The following SGCZ variants were observed in gnomAD, a reference collection of about 807,000 sequenced individuals.
SGCZ encodes sarcoglycan zeta, also known as zeta-sarcoglycan.
SGCZ carries 40 observed loss-of-function variants against 41.3 expected under a neutral mutation model. The observed-to-expected ratio is 0.97, with a 90% CI of 0.75 to 1.26. SGCZ has a LOEUF of 1.26. Ranked by LOEUF, SGCZ falls within the 50% of genes most tolerant of loss-of-function variation. The pLI is 0.00. For missense variants in SGCZ, 552 were observed against 369.8 expected (o/e 1.49, Z -4.04); for synonymous variants, 206 against 137.5 (o/e 1.50, Z -3.49).
intron 1 of SGCZ, among the ~76,000 whole-genome samples, chr8:14,658,202 C>T (rs571463801): frequency 6.6e-6 from 1 of 152,274 alleles, no homozygotes; most frequent in South Asian, 2.1e-4. Context: ...GTCATCCTTG[C>T]TCCTCTTTGT....
At chr8:14,871,857 T>A (rs1394703745) in intron 1 of SGCZ, among the ~76,000 whole-genome samples, 1 of 150,684 alleles carries the variant, frequency 6.6e-6, no homozygotes, top group Admixed American at 6.7e-5. Flanking sequence ...TATATATGCA[T>A]GTATGTATAT....
intron 1 of SGCZ, among the ~76,000 whole-genome samples, chr8:15,054,581 G>C (rs13258778): frequency 0.77 from 116,427 of 152,128 alleles, 44,719 homozygotes; most frequent in East Asian, 0.86. Context: ...ACATGCTGGC[G>C]TTGTATTAAT....
chr8:14,950,483 C>G (rs1240600066), intron 1 of SGCZ, among the ~76,000 whole-genome samples: 1 of 152,054 alleles, frequency 6.6e-6, no homozygotes, highest in East Asian at 1.9e-4. Context: ...GTCAAGAAGA[C>G]CAAGCACTGA....
intron 1 of SGCZ, among the ~76,000 whole-genome samples, chr8:15,046,027 G>A (rs1804288363): frequency 6.6e-6 from 1 of 152,044 alleles, no homozygotes; most frequent in Admixed American, 6.6e-5. Flanking sequence ...ATACCATATA[G>A]ATTTCATTCT....
chr8:14,800,922 A>C (rs1801301293), intron 1 of SGCZ, among the ~76,000 whole-genome samples: 1 of 152,160 alleles, frequency 6.6e-6, no homozygotes, highest in Non-Finnish European at 1.5e-5. Flanking sequence ...AAAGATGACA[A>C]CCATAATGGT....
At position 14,085,150 on chromosome 8, in the gene SGCZ, A is replaced by G. The variant is rs75628359; in HGVS notation, c.*5293T>C. On this transcript the variant is annotated 3_prime_UTR_variant, in exon 8 of 8. Coordinates refer to ENST00000382080, the MANE Select transcript of SGCZ (RefSeq NM_139167.4). ...ACAGTCCATTTAAATAGAAAAAGTG[A>G]TTTTACATAAAGCAAGATAGAGTAC... 0.028 allele frequency among the ~76,000 whole-genome samples: 4,246 copies of G among 151,896 alleles called. 199 individuals carry two copies. The highest frequency in any genetic ancestry group is 0.096 in the African/African-American group (3,984 of 41,486).
chr8:14,470,987 C>G (rs903543728), intron 2 of SGCZ, among the ~76,000 whole-genome samples: 1 of 152,112 alleles, frequency 6.6e-6, no homozygotes, highest in African/African-American at 2.4e-5. Flanking sequence ...AGGCGCTACC[C>G]TAAGTTAACT....
chr8:14,686,028 C>T (rs147276611), intron 1 of SGCZ, among the ~76,000 whole-genome samples: 3,567 of 152,170 alleles, frequency 0.023, 61 homozygotes, highest in South Asian at 0.084. Flanking sequence ...TACTAATGAA[C>T]AGGTAACTAA....
rs73530847 is a variant in SGCZ, at chr8:14,230,892, T to A, written c.424+6700A>T. 7.2e-3 allele frequency among the ~76,000 whole-genome samples: 1,094 copies of A among 152,088 alleles called. 13 individuals are homozygous for A. Among genetic ancestry groups the A allele is most frequent in the African/African-American group, 0.025 (1,046 of 41,510 alleles). On this transcript the variant is annotated intron_variant, in intron 4 of 7. Coordinates refer to ENST00000382080, the MANE Select transcript of SGCZ (RefSeq NM_139167.4). Reference sequence around the variant, plus strand: ...TGAAACACGAAAGAGTATCTACTGGTTAAAAAGTAAAGGAATATAGTTTCC... The same window carrying A: ...TGAAACACGAAAGAGTATCTACTGGATAAAAAGTAAAGGAATATAGTTTCC...
chr8:14,253,325 G>C (rs1209216096), intron 3 of SGCZ, among the ~76,000 whole-genome samples: 1 of 151,574 alleles, frequency 6.6e-6, no homozygotes, highest in Admixed American at 6.6e-5. Context: ...TGAATTGCCA[G>C]ATCTTACGTG....
At chr8:14,788,391 A>G (rs540838183) in intron 1 of SGCZ, among the ~76,000 whole-genome samples, 1 of 152,290 alleles carries the variant, frequency 6.6e-6, no homozygotes, top group African/African-American at 2.4e-5. Context: ...GAGGAAGAAA[A>G]TGTTCCCTAT....
At chr8:14,567,900 C>T (rs898891450) in intron 1 of SGCZ, among the ~76,000 whole-genome samples, 26 of 152,178 alleles carry the variant, frequency 1.7e-4, no homozygotes, top group African/African-American at 6.0e-4. Context: ...GAAGAAACTC[C>T]GAACACATCC....
chr8:14,161,807 AGAAAT>A (rs1368880914), intron 5 of SGCZ, among the ~76,000 whole-genome samples: 4 of 152,156 alleles, frequency 2.6e-5, no homozygotes, highest in African/African-American at 4.8e-5. Flanking sequence ...AGACAGAGAA[AGAAAT>A]GAAAAGAGAG....
intron 1 of SGCZ, among the ~76,000 whole-genome samples, chr8:14,733,763 A>C (rs1272368815): frequency 6.6e-6 from 1 of 152,218 alleles, no homozygotes; most frequent in African/African-American, 2.4e-5. Flanking sequence ...AAATGGTTCC[A>C]TAAGAAGCCA....
intron 1 of SGCZ, among the ~76,000 whole-genome samples, chr8:14,848,568 C>T (rs1315912917): frequency 6.6e-6 from 1 of 152,156 alleles, no homozygotes; most frequent in African/African-American, 2.4e-5. Flanking sequence ...ATGGAAATTT[C>T]TTGCAAAGAT....
chr8:15,189,723 G>T (rs1800469299), intron 1 of SGCZ, among the ~76,000 whole-genome samples: 1 of 151,844 alleles, frequency 6.6e-6, no homozygotes, highest in South Asian at 2.1e-4. Flanking sequence ...TAATTTTTTT[G>T]TATTTTTAGT....
chr8:15,159,898 G>T (rs1234414565), intron 1 of SGCZ, among the ~76,000 whole-genome samples: 1 of 151,640 alleles, frequency 6.6e-6, no homozygotes, highest in African/African-American at 2.4e-5. Context: ...TGGTAAGTGT[G>T]CTACAACTTT....
At chr8:14,383,404 T>A (rs770324510) in intron 2 of SGCZ, among the ~76,000 whole-genome samples, 2 of 152,220 alleles carry the variant, frequency 1.3e-5, no homozygotes, top group Admixed American at 1.3e-4. Context: ...AGTGACCATA[T>A]GTCCCAATTT....
At chr8:14,599,637 A>G (rs1805523861) in intron 1 of SGCZ, among the ~76,000 whole-genome samples, 4 of 152,164 alleles carry the variant, frequency 2.6e-5, no homozygotes, top group Admixed American at 2.6e-4. Flanking sequence ...TCCCTTCACT[A>G]AATCTGAAGA....
Sources: allele counts gnomAD v4.1 joint callset (sites outside exome capture counted in the v4.1 genomes callset), GRCh38; gene constraint gnomAD v4.1.1; transcripts MANE v1.5; gene names NCBI Gene and HGNC (gene_info 2026-07-23, HGNC 2026-07-21).